The following CEP85L variants were observed in gnomAD, a reference collection of about 807,000 sequenced individuals.
CEP85L encodes centrosomal protein of 85 kDa-like.
A neutral mutation model predicts 100.3 loss-of-function variants in CEP85L; 60 were observed. That is an observed-to-expected ratio of 0.60 (90% CI 0.49 to 0.74). The LOEUF (loss-of-function observed/expected upper bound fraction) is 0.74. Ranked by LOEUF, CEP85L falls within the 30% of genes least tolerant of loss-of-function variation. CEP85L has a pLI of 0.00. For missense variants in CEP85L, 973 were observed against 936.2 expected, an observed-to-expected ratio of 1.04 and a Z score of -0.51; for synonymous variants, 319 against 322.7, an observed-to-expected ratio of 0.99 and a Z score of 0.12.
intron 10 of CEP85L, among the ~76,000 whole-genome samples, chr6:118,477,660 T>C (rs1244811904): frequency 6.6e-6 from 1 of 152,052 alleles, no homozygotes; most frequent in African/African-American, 2.4e-5. Context: ...AAATTTGGTG[T>C]TCTCAACAGT....
intron 2 of CEP85L, among the ~76,000 whole-genome samples, chr6:118,570,338 T>C (rs2115022261): frequency 6.6e-6 from 1 of 152,322 alleles, no homozygotes; most frequent in East Asian, 1.9e-4. Context: ...GTATGAATAA[T>C]AAATAGGTAA....
chr6:118,500,582 G>C (rs1166179111), intron 5 of CEP85L, among the ~76,000 whole-genome samples: 1 of 132,226 alleles, frequency 7.6e-6, no homozygotes, highest in Non-Finnish European at 1.7e-5. Flanking sequence ...GGCTGAAAAA[G>C]CTCAAGGACC....
intron 1 of CEP85L, among the ~76,000 whole-genome samples, chr6:118,637,703 C>CAAAAAAAA (rs11388747): frequency 1.3e-4 from 6 of 45,418 alleles, no homozygotes; most frequent in African/African-American, 2.0e-4. Context: ...AAGACTGTCT[C>CAAAAAAAA]AAAAAAAAAA....
At chr6:118,648,492 A>G (rs2075492375) in intron 1 of CEP85L, among the ~76,000 whole-genome samples, 1 of 152,168 alleles carries the variant, frequency 6.6e-6, no homozygotes, top group Non-Finnish European at 1.5e-5. Context: ...CTGTAATCCC[A>G]GCACTTTGGG....
At chr6:118,563,730 C>T (rs758874539) in intron 3 of CEP85L, among the ~76,000 whole-genome samples, 2 of 152,146 alleles carry the variant, frequency 1.3e-5, no homozygotes, top group Admixed American at 6.5e-5. Flanking sequence ...GGATTACAGG[C>T]GTGCGCTACA....
At chr6:118,516,013 T>C (rs1227124547) in intron 4 of CEP85L, among the ~76,000 whole-genome samples, 1 of 152,180 alleles carries the variant, frequency 6.6e-6, no homozygotes, top group Non-Finnish European at 1.5e-5. Flanking sequence ...GGTTTTCTGT[T>C]CCTGTGTTAG....
intron 2 of CEP85L, among the ~76,000 whole-genome samples, chr6:118,604,309 C>G (rs1436173906): frequency 6.6e-6 from 1 of 152,146 alleles, no homozygotes; most frequent in Non-Finnish European, 1.5e-5. Context: ...GCTTTTATTC[C>G]AATGTTTAAT....
intron 1 of CEP85L, among the ~76,000 whole-genome samples, chr6:118,633,017 T>C (rs1311858480): frequency 6.6e-6 from 1 of 152,180 alleles, no homozygotes; most frequent in East Asian, 1.9e-4. Context: ...TAATGCATGA[T>C]AATATAAATA....
intron 1 of CEP85L, among the ~76,000 whole-genome samples, chr6:118,657,546 GGAGGCAGAGGTTGCAGCCAA>G (rs1284854158): frequency 8.5e-5 from 13 of 152,196 alleles, no homozygotes; most frequent in Admixed American, 7.9e-4. Flanking sequence ...CTTGAACCCA[GGAGGCAGAGGTTGCAGCCAA>G]GATCACACCA....
chr6:118,679,370 C>T (rs538372347), intron 1 of CEP85L, among the ~76,000 whole-genome samples: 50 of 152,178 alleles, frequency 3.3e-4, no homozygotes, highest in South Asian at 2.1e-4. Flanking sequence ...GATTACTAAC[C>T]AGGAAGTAAT....
In CEP85L at chr6:118,601,044, T is replaced by C. The variant is rs985503256; in HGVS notation, c.232+31409A>G. 4.6e-5 allele frequency among the ~76,000 whole-genome samples: 7 copies of C among 152,336 alleles called. No individual in the cohort carries two copies. The East Asian group carries it at 1.3e-3, about 29-fold the overall frequency. ...GTTGCAGTGAATATTCTTATACATA[T>C]TATCTTTGTTCATCTGTGTGCCTGT... is the stretch of plus-strand genomic sequence containing the variant. On this transcript the variant is annotated intron_variant, in intron 2 of 12. Transcript: ENST00000368491.
At chr6:118,650,889 A>G (rs1019262909) in intron 1 of CEP85L, among the ~76,000 whole-genome samples, 9 of 152,210 alleles carry the variant, frequency 5.9e-5, no homozygotes, top group Non-Finnish European at 1.3e-4. Context: ...GAGTAAAAGG[A>G]AAAAACCGGG....
intron 5 of CEP85L, among the ~76,000 whole-genome samples, chr6:118,495,710 A>G (rs1316598191): frequency 6.6e-6 from 1 of 152,196 alleles, no homozygotes; most frequent in Non-Finnish European, 1.5e-5. Flanking sequence ...TGCCAAGCAC[A>G]TTTGTCATGA....
At chr6:118,531,468 G>T (rs1054728436) in intron 3 of CEP85L, among the ~76,000 whole-genome samples, 14 of 151,986 alleles carry the variant, frequency 9.2e-5, no homozygotes, top group African/African-American at 3.4e-4. Flanking sequence ...ATTTCATGAT[G>T]AAGACTCCAA....
At chr6:118,522,819 C>CA (rs1776741059) in intron 4 of CEP85L, among the ~76,000 whole-genome samples, 1 of 150,094 alleles carries the variant, frequency 6.7e-6, no homozygotes, top group South Asian at 2.1e-4. Flanking sequence ...GTGAAGGTTA[C>CA]AGTGAGCTGA....
At chr6:118,472,297 G>A (rs947202055) in intron 10 of CEP85L, among the ~76,000 whole-genome samples, 1 of 152,030 alleles carries the variant, frequency 6.6e-6, no homozygotes, top group Non-Finnish European at 1.5e-5. Context: ...AACTGAAAAT[G>A]TCTGGCAGTA....
rs1346618229 is a variant in CEP85L, at chr6:118,461,254, C to T, written c.*4151G>A. On this transcript the variant is annotated 3_prime_UTR_variant, in exon 13 of 13. Coordinates refer to ENST00000368491, the MANE Select transcript of CEP85L (RefSeq NM_001042475.3). ...ATGTTTATGTATTTAACTATTTATA[C>T]ATATATGTACATATACATACACACC... 1 of 152,006 alleles carries T rather than the reference C, an allele frequency of 6.6e-6. No individual in the cohort carries two copies. Among genetic ancestry groups the T allele is most frequent in the Non-Finnish European group, 1.5e-5 (1 of 67,980 alleles). 9.4% of individuals were successfully genotyped at this position (152,006 alleles called of 1,614,324 possible).
chr6:118,628,185 AT>A (rs1773925449), intron 2 of CEP85L, among the ~76,000 whole-genome samples: 1 of 152,218 alleles, frequency 6.6e-6, no homozygotes, highest in Admixed American at 6.5e-5. Flanking sequence ...CAAAAAAAAA[AT>A]AGTTTGAAGA....
chr6:118,463,929 C>A lies in CEP85L; in HGVS notation c.*1476G>T, dbSNP rs1203009171. Reference sequence around the variant, plus strand: ...AATCTTTCCTAGGAGAGCCTTTATTCTAGTATATAAGAAAACAGGCATGTG... The same window carrying A: ...AATCTTTCCTAGGAGAGCCTTTATTATAGTATATAAGAAAACAGGCATGTG... On this transcript the variant is annotated 3_prime_UTR_variant, in exon 13 of 13. Coordinates refer to ENST00000368491, the MANE Select transcript of CEP85L (RefSeq NM_001042475.3). 6.6e-6 allele frequency: 1 copy of A among 152,012 alleles called. No individual in the cohort carries two copies. The highest frequency in any genetic ancestry group is 2.4e-5 in the African/African-American group (1 of 41,412). The allele number at this position is 152,012 out of a possible 1,614,324, so 9.4% of individuals were successfully genotyped here.
Sources: gnomAD v4.1 joint callset for allele counts (sites outside exome capture counted in the v4.1 genomes callset) on GRCh38, gnomAD v4.1.1 for gene constraint, MANE v1.5 for transcripts, NCBI Gene and HGNC (gene_info 2026-07-23, HGNC 2026-07-21) for gene names.